The following ARL8B variants were observed in gnomAD, a reference collection of about 807,000 sequenced individuals.
ARL8B encodes the protein ADP-ribosylation factor-like protein 8B.
In ARL8B, 9 loss-of-function variants were observed where a neutral mutation model predicts 30.6. That is an observed-to-expected ratio of 0.29 (90% confidence interval 0.18 to 0.51). The LOEUF (loss-of-function observed/expected upper bound fraction) is 0.51. Among genes scored for constraint, ARL8B ranks in the 20% least tolerant of loss-of-function variants. The pLI is 0.97. For missense variants in ARL8B, 130 were observed against 227.2 expected, an observed-to-expected ratio of 0.57 and a Z score of 2.75; for synonymous variants, 74 against 76.0, an observed-to-expected ratio of 0.97 and a Z score of 0.14.
chr3:5,168,373 A>G (rs1013096575), intron 1 of ARL8B, among the ~76,000 whole-genome samples: 1 of 152,234 alleles, frequency 6.6e-6, no homozygotes, highest in East Asian at 1.9e-4. Flanking sequence ...GCCTGGCCCT[A>G]ATAACTCTTA....
At chr3:5,172,555 G>A in intron 3 of ARL8B, 92 bp from the exon 4 acceptor site, 1 of 883,508 alleles carries the variant, frequency 1.1e-6, no homozygotes, top group Non-Finnish European at 1.8e-6. Flanking sequence ...TTTCAATAAT[G>A]TAAATCTTAC....
At chr3:5,155,878 T>G (rs1302608976) in intron 1 of ARL8B, among the ~76,000 whole-genome samples, 1 of 142,584 alleles carries the variant, frequency 7.0e-6, no homozygotes, top group Non-Finnish European at 1.5e-5. Flanking sequence ...TTGAGTACCT[T>G]TAAGATAATT....
chr3:5,124,963 A>G lies in ARL8B; in HGVS notation c.123+2375A>G, dbSNP rs192039673. Among the ~76,000 whole-genome samples, 5 of 152,296 alleles carry G rather than the reference A, an allele frequency of 3.3e-5. No individual in the cohort carries two copies. In the East Asian group the frequency reaches 9.6e-4, roughly 29 times the overall value. ...TTGTATTTGTTGCAGTTGAGTTGTTATGCTTGGGAACTCTAAAAAGTTGAG... is the reference window on the plus strand; with the variant it reads ...TTGTATTTGTTGCAGTTGAGTTGTTGTGCTTGGGAACTCTAAAAAGTTGAG... On this transcript the variant is annotated intron_variant, in intron 1 of 6. Transcript: ENST00000256496.
intron 1 of ARL8B, among the ~76,000 whole-genome samples, chr3:5,130,287 AGTGCTGAGATTACAGGCAGGAGCCACCAC>A (rs1414666527): frequency 2.6e-5 from 4 of 151,080 alleles, no homozygotes; most frequent in African/African-American, 9.7e-5. Flanking sequence ...AGCCTCCCAA[AGTGCTGAGATTACAGGCAGGAGCCACCAC>A]GCCTGCCCCT....
At chr3:5,135,839 T>C (rs1448830618) in intron 1 of ARL8B, among the ~76,000 whole-genome samples, 3 of 149,248 alleles carry the variant, frequency 2.0e-5, no homozygotes, top group African/African-American at 7.4e-5. Context: ...CAGGCTGGAG[T>C]GCAGTGGCGC....
chr3:5,166,670 A>G (rs1005768551), intron 1 of ARL8B, among the ~76,000 whole-genome samples: 1 of 152,076 alleles, frequency 6.6e-6, no homozygotes, highest in Non-Finnish European at 1.5e-5. Flanking sequence ...GTGTCCTTTC[A>G]TTACTGGAGG....
intron 1 of ARL8B, among the ~76,000 whole-genome samples, chr3:5,155,769 T>C (rs1468801993): frequency 1.3e-5 from 2 of 151,094 alleles, no homozygotes; most frequent in Non-Finnish European, 2.9e-5. Flanking sequence ...CTTTTTGGCA[T>C]CTTTTTCGGT....
At chr3:5,176,265 C>T (rs2054728849) in intron 6 of ARL8B, among the ~76,000 whole-genome samples, 1 of 152,144 alleles carries the variant, frequency 6.6e-6, no homozygotes, top group Admixed American at 6.5e-5. Context: ...GAGTCTCACT[C>T]TGTCGCCGTG....
rs1331017613 is a variant in ARL8B, at chr3:5,126,890, ATATGT to A, written c.123+4306_123+4310del. Among the ~76,000 whole-genome samples, 5 of 152,294 alleles carry A rather than the reference ATATGT, an allele frequency of 3.3e-5. No individual in the cohort carries two copies. In the South Asian group the frequency reaches 8.3e-4, roughly 25 times the overall value. On this transcript the variant is annotated intron_variant, in intron 1 of 6. Transcript: ENST00000256496. The stretch of plus-strand genomic sequence containing the variant: ...CTTTATTTTTAACTGGGGCTTTTAG[ATATGT>A]TATAGTTATTAAAAAATATCTAATA...
chr3:5,129,471 CTGTT>C lies in ARL8B; in HGVS notation c.123+6887_123+6890del, dbSNP rs565493992. 2.7e-3 allele frequency among the ~76,000 whole-genome samples: 412 copies of C among 152,292 alleles called. 2 individuals are homozygous for C. Among genetic ancestry groups the C allele is most frequent in the African/African-American group, 9.5e-3 (396 of 41,550 alleles). On this transcript the variant is annotated intron_variant, in intron 1 of 6. Coordinates refer to ENST00000256496, the MANE Select transcript of ARL8B (RefSeq NM_018184.3). The stretch of plus-strand genomic sequence containing the variant: ...TAAAATTATCCTATTAGATACTGCT[CTGTT>C]TGTGTTTAATATATTTTAAGAAGTT...
chr3:5,156,364 C>G (rs1399363439), intron 1 of ARL8B, among the ~76,000 whole-genome samples: 3 of 148,876 alleles, frequency 2.0e-5, no homozygotes, highest in African/African-American at 7.4e-5. Context: ...GGAAATCAGA[C>G]TCTCCCCCTT....
At chr3:5,158,289 A>G (rs1453054209) in intron 1 of ARL8B, among the ~76,000 whole-genome samples, 1 of 152,144 alleles carries the variant, frequency 6.6e-6, no homozygotes, top group Non-Finnish European at 1.5e-5. Flanking sequence ...AGCCTGGGGC[A>G]TGCATTCTGT....
At chr3:5,138,942 G>C (rs2054349908) in intron 1 of ARL8B, among the ~76,000 whole-genome samples, 1 of 152,162 alleles carries the variant, frequency 6.6e-6, no homozygotes, top group African/African-American at 2.4e-5. Context: ...AATGTATTCA[G>C]CCCATGGCAT....
At chr3:5,129,463 A>T (rs946313112) in intron 1 of ARL8B, among the ~76,000 whole-genome samples, 1 of 152,158 alleles carries the variant, frequency 6.6e-6, no homozygotes, top group African/African-American at 2.4e-5. Flanking sequence ...ATCCTATTAG[A>T]TACTGCTCTG....
rs561128886 is a variant in ARL8B, at chr3:5,122,301, G to A, written c.-165G>A. 102 of 1,504,986 alleles carry A rather than the reference G, an allele frequency of 6.8e-5. No individual in the cohort carries two copies. The African/African-American group carries it at 9.7e-4, about 14-fold the overall frequency. 93.2% of individuals were successfully genotyped at this position (1,504,986 alleles called of 1,614,324 possible). A position where few individuals can be genotyped will look rare whatever the true frequency, so the allele number is the denominator to read the frequency against. On this transcript the variant is annotated 5_prime_UTR_variant, in exon 1 of 7. Transcript: ENST00000256496. ...GGGGGTAGGGCGAGTCATATGATCC[G>A]CTCGGCTTCCTGGGTCTGGCTGCTG...
At chr3:5,129,297 C>G (rs777127418) in intron 1 of ARL8B, among the ~76,000 whole-genome samples, 3 of 152,088 alleles carry the variant, frequency 2.0e-5, no homozygotes, top group Non-Finnish European at 4.4e-5. Context: ...GCCTCAGCTT[C>G]CCAAGTAGCT....
intron 1 of ARL8B, among the ~76,000 whole-genome samples, chr3:5,131,394 ATT>A (rs61389011): frequency 2.7e-5 from 4 of 148,380 alleles, no homozygotes; most frequent in South Asian, 2.1e-4. Flanking sequence ...AAATTAAAAA[ATT>A]TTTTTTTTTT....
At chr3:5,156,761 G>A (rs911172885) in intron 1 of ARL8B, 9 of 152,220 alleles carry the variant, frequency 5.9e-5, no homozygotes, top group African/African-American at 2.2e-4. Flanking sequence ...GCTAATTTTT[G>A]TGTTTTTAGT....
chr3:5,148,378 T>C (rs907074049), intron 1 of ARL8B, among the ~76,000 whole-genome samples: 1 of 152,212 alleles, frequency 6.6e-6, no homozygotes, highest in Non-Finnish European at 1.5e-5. Context: ...AGTATCCCTC[T>C]TACACTGTTC....
Sources: gnomAD v4.1 joint callset for allele counts (sites outside exome capture counted in the v4.1 genomes callset) on GRCh38, gnomAD v4.1.1 for gene constraint, MANE v1.5 for transcripts, NCBI Gene and HGNC (gene_info 2026-07-23, HGNC 2026-07-21) for gene names.